Variants in ARHGAP39 observed in about 807,000 individuals in gnomAD.
The protein encoded by ARHGAP39 is Rho GTPase activating protein 39.
ARHGAP39 carries 44 observed loss-of-function variants against 106.9 expected under a neutral mutation model. The observed-to-expected ratio is 0.41, with a 90% confidence interval of 0.32 to 0.53. ARHGAP39 has a LOEUF of 0.53. Among genes scored for constraint, ARHGAP39 ranks in the 20% least tolerant of loss-of-function variants. The pLI is 0.21. For synonymous variants in ARHGAP39, 768 were observed against 693.2 expected (o/e 1.11, Z -1.69); for missense variants, 1,496 against 1,577.3 (o/e 0.95, Z 0.87).
At chr8:144,533,057 C>T (rs757378827) in intron 9 of ARHGAP39, 69 bp downstream of exon 9, 56 of 1,542,340 alleles carry the variant, frequency 3.6e-5, no homozygotes, top group Non-Finnish European at 4.6e-5. Flanking sequence ...ATGGCCCCTG[C>T]ATGCCACAGA....
intron 1 of ARHGAP39, among the ~76,000 whole-genome samples, chr8:144,630,279 T>G (rs140085065): frequency 1.3e-5 from 2 of 152,310 alleles, no homozygotes; most frequent in African/African-American, 4.8e-5. Flanking sequence ...AAATGTTAGA[T>G]GGGAGGTAAA....
chr8:144,652,742 C>G (rs1379713405), intron 1 of ARHGAP39, among the ~76,000 whole-genome samples: 2 of 151,580 alleles, frequency 1.3e-5, no homozygotes, highest in Admixed American at 1.3e-4. Context: ...AACCAGCGGA[C>G]ACTAGGGTCT....
chr8:144,587,416 AATGTAGAGGGTGT>A (rs1163245764), intron 2 of ARHGAP39, among the ~76,000 whole-genome samples: 5 of 152,238 alleles, frequency 3.3e-5, no homozygotes, highest in Admixed American at 6.5e-5. Flanking sequence ...GAGGAAGGAA[AATGTAGAGGGTGT>A]ATAAAGAATT....
chr8:144,689,807 G>A (rs188034095), upstream of ARHGAP39, among the ~76,000 whole-genome samples: 3,727 of 140,196 alleles, frequency 0.027, 172 homozygotes, highest in African/African-American at 0.094. Context: ...GTGCAATGGC[G>A]TGATCTCAGC....
chr8:144,674,555 T>C (rs1171197003), intron 1 of ARHGAP39, among the ~76,000 whole-genome samples: 1 of 152,220 alleles, frequency 6.6e-6, no homozygotes, highest in African/African-American at 2.4e-5. Flanking sequence ...CTCTGGTCCA[T>C]GGAACTGGCA....
intron 8 of ARHGAP39, among the ~76,000 whole-genome samples, chr8:144,533,550 C>T (rs929932782): frequency 2.0e-5 from 3 of 152,186 alleles, no homozygotes; most frequent in Non-Finnish European, 4.4e-5. Flanking sequence ...CTGGCTCTGC[C>T]TCCCCCTCCT....
Position 144,545,428 on chromosome 8 carries a change from C to T in ARHGAP39, c.2342G>A (p.Arg781Gln), listed in dbSNP as rs774034697. ...ATKGWSVQGL[R>Q]DELYIQLCRQ... ...GCACAGCTGGATGTAGAGCTCGTCC[C>T]GCAGGCCCTGCACGCTCCAGCCCTT... The change falls in exon 6 of 12, where the codon CGG becomes CAG. Residue 781 changes from arginine to glutamine, a missense_variant. Coordinates refer to ENST00000377307, the MANE Select transcript of ARHGAP39 (RefSeq NM_025251.3). The T allele has an allele frequency of 1.3e-6, 2 of 1,587,676 alleles. No individual in the cohort carries two copies.
intron 2 of ARHGAP39, 121 bp downstream of exon 2, chr8:144,605,414 G>A: frequency 9.3e-7 from 1 of 1,069,906 alleles, no homozygotes. Context: ...CTTGGGAACA[G>A]CCAGCGACGA....
At chr8:144,590,696 T>C (rs1819358131) in intron 2 of ARHGAP39, among the ~76,000 whole-genome samples, 1 of 152,140 alleles carries the variant, frequency 6.6e-6, no homozygotes. Flanking sequence ...GCGGTCACCA[T>C]GTGACATCTC....
intron 4 of ARHGAP39, among the ~76,000 whole-genome samples, chr8:144,552,463 G>A (rs1817749175): frequency 6.6e-6 from 1 of 152,208 alleles, no homozygotes; most frequent in Admixed American, 6.5e-5. Flanking sequence ...CCTAAATACA[G>A]ACACAGTTAT....
At chr8:144,639,961 T>C (rs1821270296) in intron 1 of ARHGAP39, among the ~76,000 whole-genome samples, 1 of 152,254 alleles carries the variant, frequency 6.6e-6, no homozygotes, top group Non-Finnish European at 1.5e-5. Context: ...GCTTTTCCTA[T>C]TTAACATGAA....
intron 3 of ARHGAP39, among the ~76,000 whole-genome samples, chr8:144,574,229 C>G (rs555636010): frequency 1.6e-4 from 24 of 149,826 alleles, no homozygotes; most frequent in Admixed American, 1.3e-4. Flanking sequence ...TAATTAAAAA[C>G]TGAAAATATT....
intron 7 of ARHGAP39, among the ~76,000 whole-genome samples, chr8:144,536,695 G>C (rs977437598): frequency 6.6e-6 from 1 of 152,178 alleles, no homozygotes; most frequent in Non-Finnish European, 1.5e-5. Flanking sequence ...CAGACCTGCT[G>C]GTGGCAGCCT....
At position 144,537,748 on chromosome 8, in the gene ARHGAP39, G is replaced by C; in HGVS notation, c.2587C>G (p.Pro863Ala). Residue 863 changes from proline to alanine, a missense_variant, in exon 7 of 12, where the codon CCC becomes GCC. Pro to Ala is a conservative substitution (Grantham distance 27). Around this residue, in one of 4 missense-constraint regions of ARHGAP39, gnomAD observed 470 missense variants for 605.1 expected, o/e 0.78. Transcript: ENST00000377307. Reference protein sequence around the residue: ...TKKKSKLRKKPKPYVEEPDGV... With the variant: ...TKKKSKLRKKAKPYVEEPDGV... The stretch of plus-strand genomic sequence containing the variant: ...TCCGGCTCTTCAACATAAGGCTTGG[G>C]TTTCTTTCTCAATTTGGACTTCTTC... 5 of 1,614,102 alleles carry C rather than the reference G, an allele frequency of 3.1e-6. No individual in the cohort carries two copies. The highest frequency in any genetic ancestry group is 4.2e-6 in the Non-Finnish European group (5 of 1,179,952).
chr8:144,548,345 G>A lies in ARHGAP39; in HGVS notation c.741C>T (p.Gly247=), dbSNP rs1269191934. The A allele has an allele frequency of 2.5e-6, 4 of 1,607,278 alleles. No individual in the cohort carries two copies. The highest frequency in any genetic ancestry group is 3.4e-6 in the Non-Finnish European group (4 of 1,176,540). ...TCTGCAGGCTGGGTGAGTGCTGGCT[G>A]CCGGAGGGTCTGCGGGAGCGGACCC... The part of the protein sequence containing the change: ...PPGVRSRRPS[G]SQHSPSLQTF... Residue 247 remains glycine (G), a synonymous_variant, in exon 5 of 12, where the codon GGC becomes GGT. Transcript: ENST00000377307. This position sits in a 1 kb window ranked among gnomAD's most constrained non-coding sequence, Gnocchi z 7.4.
chr8:144,569,037 A>G (rs553395819), intron 3 of ARHGAP39, among the ~76,000 whole-genome samples: 2 of 152,340 alleles, frequency 1.3e-5, no homozygotes, highest in South Asian at 4.1e-4. Flanking sequence ...CTGAATAAAA[A>G]CATGTGACCT....
At chr8:144,676,512 T>C (rs766169083) in intron 1 of ARHGAP39, among the ~76,000 whole-genome samples, 12 of 152,054 alleles carry the variant, frequency 7.9e-5, no homozygotes, top group Non-Finnish European at 1.5e-4. Context: ...ACAGTGCTGA[T>C]TGGTGCGTTT....
intron 3 of ARHGAP39, among the ~76,000 whole-genome samples, chr8:144,563,237 A>G (rs1818266032): frequency 6.6e-6 from 1 of 152,230 alleles, no homozygotes; most frequent in Non-Finnish European, 1.5e-5. Flanking sequence ...CTACTTTGTG[A>G]AAAGTATTTG....
rs988902719 is a variant in ARHGAP39, at chr8:144,566,208, C to T, written c.513-10565G>A. ...TACACGAACCCCAGCACAAGGAACA[C>T]GAAGAAAATGACATAAACCCCTATC... On this transcript the variant is annotated intron_variant, in intron 3 of 11. Coordinates refer to ENST00000377307, the MANE Select transcript of ARHGAP39 (RefSeq NM_025251.3). 3.3e-5 allele frequency among the ~76,000 whole-genome samples: 5 copies of T among 152,034 alleles called. No individual in the cohort carries two copies. The South Asian group carries it at 6.2e-4, about 19-fold the overall frequency.
Sources: gnomAD v4.1 joint callset for allele counts (sites outside exome capture counted in the v4.1 genomes callset) on GRCh38, gnomAD v4.1.1 for gene constraint, gnomAD v4.1.1 regional missense constraint, Gnocchi (gnomAD v3.1) non-coding constraint, MANE v1.5 for transcripts, NCBI Gene and HGNC (gene_info 2026-07-23, HGNC 2026-07-21) for gene names.